The following UBAP2 variants were observed in gnomAD, a reference collection of about 807,000 sequenced individuals.
UBAP2 encodes ubiquitin-associated protein 2.
A neutral mutation model predicts 139.6 loss-of-function variants in UBAP2; 75 were observed. That is an observed-to-expected ratio of 0.54 (90% confidence interval 0.45 to 0.65). UBAP2 has a LOEUF of 0.65. Ranked by LOEUF, UBAP2 falls within the 30% of genes least tolerant of loss-of-function variation. The pLI is 0.00. For synonymous variants in UBAP2, 526 were observed against 526.2 expected (o/e 1.00, Z 0.01); for missense variants, 1,368 against 1,369.6 (o/e 1.00, Z 0.02).
At position 34,008,112 on chromosome 9, in the gene UBAP2, C is replaced by T. The variant is rs186392532; in HGVS notation, c.99+8938G>A. Among the ~76,000 whole-genome samples the T allele has an allele frequency of 1.1e-4, 16 of 151,832 alleles. No individual in the cohort carries two copies. In the East Asian group the frequency reaches 2.5e-3, roughly 24 times the overall value. Reference sequence around the variant, plus strand: ...ATCGCGCCACTGCACTCCAGCATGGCGACAGAGTGAGACTCGTCTCAAAAA... The same window carrying T: ...ATCGCGCCACTGCACTCCAGCATGGTGACAGAGTGAGACTCGTCTCAAAAA... On this transcript the variant is annotated intron_variant, in intron 2 of 28. Transcript: ENST00000379238.
At chr9:34,011,630 G>A (rs1823757218) in intron 2 of UBAP2, 3 of 987,218 alleles carry the variant, frequency 3.0e-6, no homozygotes, top group African/African-American at 1.7e-5. Context: ...AAGTTACCAG[G>A]CTGAGCTCTA....
At chr9:33,982,172 C>T (rs934986492) in intron 6 of UBAP2, among the ~76,000 whole-genome samples, 5 of 152,126 alleles carry the variant, frequency 3.3e-5, no homozygotes, top group African/African-American at 1.2e-4. Flanking sequence ...AGCCAGCAGC[C>T]CCTCTTTCAC....
intron 17 of UBAP2, 82 bp from the exon 18 acceptor site, chr9:33,933,710 T>C: frequency 6.4e-7 from 1 of 1,555,498 alleles, no homozygotes; most frequent in Admixed American, 1.8e-5. Context: ...ATGCTCAATA[T>C]CTTGTGACAT....
chr9:33,931,855 C>A (rs1432077062), intron 19 of UBAP2, among the ~76,000 whole-genome samples: 3 of 152,162 alleles, frequency 2.0e-5, no homozygotes, highest in African/African-American at 7.2e-5. Flanking sequence ...TCGCCCAACA[C>A]CTCCTGTTGT....
At chr9:33,955,884 A>G (rs1038220309) in intron 11 of UBAP2, among the ~76,000 whole-genome samples, 195 bp downstream of exon 11, 1 of 152,176 alleles carries the variant, frequency 6.6e-6, no homozygotes, top group Non-Finnish European at 1.5e-5. Context: ...ACTGCTAACA[A>G]ATTCATCAGT....
intron 17 of UBAP2, 27 bp from the exon 18 acceptor site, chr9:33,933,655 A>T: frequency 3.7e-6 from 6 of 1,611,528 alleles, no homozygotes; most frequent in Non-Finnish European, 5.1e-6. Context: ...AGCTGTAAGA[A>T]GCAGATCTGT....
chr9:33,970,946 G>A (rs1827871645), intron 8 of UBAP2, among the ~76,000 whole-genome samples: 1 of 152,144 alleles, frequency 6.6e-6, no homozygotes, highest in African/African-American at 2.4e-5. Flanking sequence ...GGGATTACAG[G>A]CATGTGCCAC....
intron 16 of UBAP2, among the ~76,000 whole-genome samples, chr9:33,936,130 A>T (rs752956560): frequency 6.6e-6 from 1 of 152,034 alleles, no homozygotes; most frequent in Non-Finnish European, 1.5e-5. Context: ...CTACAGGTGC[A>T]TCCTACCATG....
At chr9:33,974,188 TCAA>T (rs943560008) in intron 6 of UBAP2, among the ~76,000 whole-genome samples, 34 of 152,238 alleles carry the variant, frequency 2.2e-4, no homozygotes, top group Admixed American at 1.8e-3. Flanking sequence ...AGACTCTGTC[TCAA>T]CAACAACAAC....
At chr9:33,927,690 T>G in intron 20 of UBAP2, 107 bp downstream of exon 20, 1 of 1,206,806 alleles carries the variant, frequency 8.3e-7, no homozygotes, top group East Asian at 2.4e-5. Context: ...CGCAGCGCAC[T>G]CGGCGGGCCT....
intron 2 of UBAP2, among the ~76,000 whole-genome samples, chr9:34,001,918 A>G (rs974962051): frequency 2.6e-5 from 4 of 151,966 alleles, no homozygotes; most frequent in Non-Finnish European, 5.9e-5. Flanking sequence ...TAAAGTGACC[A>G]TCTAACACCA....
chr9:34,030,193 C>A (rs571736163), intron 1 of UBAP2, among the ~76,000 whole-genome samples: 7 of 151,990 alleles, frequency 4.6e-5, no homozygotes, highest in African/African-American at 1.5e-4. Flanking sequence ...CGCCTGTAAT[C>A]CCAGCACTTT....
At chr9:33,977,275 G>A (rs1044306920) in intron 6 of UBAP2, among the ~76,000 whole-genome samples, 1 of 151,874 alleles carries the variant, frequency 6.6e-6, no homozygotes, top group African/African-American at 2.4e-5. Context: ...CTGACCTCGT[G>A]ATCCGCCCGC....
intron 12 of UBAP2, among the ~76,000 whole-genome samples, chr9:33,950,596 T>C (rs1826017706): frequency 6.6e-6 from 1 of 152,216 alleles, no homozygotes; most frequent in South Asian, 2.1e-4. Context: ...CTGCTCCAGA[T>C]TCTTTTTTCA....
At chr9:33,957,080 T>A (rs1199238340) in intron 10 of UBAP2, among the ~76,000 whole-genome samples, 3 of 148,730 alleles carry the variant, frequency 2.0e-5, no homozygotes, top group Admixed American at 6.7e-5. Flanking sequence ...CAAAGTGAGA[T>A]CCTGCCTCAA....
chr9:34,030,034 C>G (rs1825754018), intron 1 of UBAP2, among the ~76,000 whole-genome samples: 1 of 151,104 alleles, frequency 6.6e-6, no homozygotes, highest in East Asian at 2.0e-4. Flanking sequence ...GGCACGGTGG[C>G]TCACGCCTGT....
intron 8 of UBAP2, among the ~76,000 whole-genome samples, chr9:33,966,058 A>T (rs915487161): frequency 6.9e-6 from 1 of 144,418 alleles, no homozygotes; most frequent in African/African-American, 2.6e-5. Flanking sequence ...TCAAAAAAAT[A>T]AAAAATCAGG....
intron 22 of UBAP2, among the ~76,000 whole-genome samples, chr9:33,926,347 C>A (rs1823426561): frequency 6.6e-6 from 1 of 152,152 alleles, no homozygotes; most frequent in Non-Finnish European, 1.5e-5. Flanking sequence ...AAGATAAGGA[C>A]CAACATTTAA....
chr9:33,975,907 T>TG (rs2131075098), intron 6 of UBAP2, among the ~76,000 whole-genome samples: 1 of 152,054 alleles, frequency 6.6e-6, no homozygotes, highest in East Asian at 1.9e-4. Context: ...ATTGTGCTTG[T>TG]GGGTATATGT....
Sources: allele counts gnomAD v4.1 joint callset (sites outside exome capture counted in the v4.1 genomes callset), GRCh38; gene constraint gnomAD v4.1.1; transcripts MANE v1.5; gene names NCBI Gene and HGNC (gene_info 2026-07-23, HGNC 2026-07-21).